Variants in PDE8B observed in about 807,000 individuals in gnomAD.
PDE8B encodes the protein phosphodiesterase 8B, also known as high affinity cAMP-specific and IBMX-insensitive 3',5'-cyclic phosphodiesterase 8B.
Under a neutral mutation model 101.3 loss-of-function variants are expected in PDE8B, and 26 were observed. That is an observed-to-expected ratio of 0.26 (90% confidence interval 0.19 to 0.36). PDE8B has a LOEUF of 0.36. PDE8B is among the 10% of genes least tolerant of loss of function. The pLI, the probability that PDE8B is intolerant of heterozygous loss-of-function variation, is 1.00. For synonymous variants in PDE8B, 424 were observed against 429.3 expected (o/e 0.99, Z 0.15); for missense variants, 810 against 1,163.1 (o/e 0.70, Z 4.42).
At chr5:77,100,031 G>A in the PDE8B span, among the ~76,000 whole-genome samples, 1 of 152,218 alleles carries the variant, frequency 6.6e-6, no homozygotes, top group Admixed American at 6.5e-5. Flanking sequence ...TCTCAGAACT[G>A]TTAGGAAGAA....
intron 19 of PDE8B, among the ~76,000 whole-genome samples, chr5:77,421,056 T>C (rs1356344524): frequency 6.6e-6 from 1 of 152,242 alleles, no homozygotes; most frequent in Non-Finnish European, 1.5e-5. Flanking sequence ...TTTCAGGTTC[T>C]ATGTAAATGG....
intron 1 of PDE8B, among the ~76,000 whole-genome samples, chr5:77,228,927 A>G (rs1051015906): frequency 2.0e-5 from 3 of 152,304 alleles, no homozygotes; most frequent in Non-Finnish European, 4.4e-5. Context: ...TAATTTTACA[A>G]TTAGGAAGTT....
upstream of PDE8B, among the ~76,000 whole-genome samples, chr5:77,208,347 T>C (rs983036871): frequency 6.6e-6 from 1 of 152,244 alleles, no homozygotes; most frequent in Non-Finnish European, 1.5e-5. Flanking sequence ...ATGTGAAGGC[T>C]GTCATTGATA....
chr5:77,210,003 G>T (rs1388493887), upstream of PDE8B, among the ~76,000 whole-genome samples: 1 of 152,268 alleles, frequency 6.6e-6, no homozygotes. This position sits in a 1 kb window ranked among gnomAD's most constrained non-coding sequence, Gnocchi z 4.9. Context: ...CGGTGGGGCT[G>T]GGGGAAGAGG....
At chr5:77,202,290 G>C in the PDE8B span, among the ~76,000 whole-genome samples, 4 of 152,110 alleles carry the variant, frequency 2.6e-5, no homozygotes, top group South Asian at 8.3e-4. Flanking sequence ...AAATAGTACA[G>C]TTGACTCTTG....
chr5:77,425,797 G>A lies in PDE8B; in HGVS notation c.2449G>A (p.Val817Met), dbSNP rs1477898349. The A allele has an allele frequency of 6.2e-7, 1 of 1,613,728 alleles. No individual in the cohort carries two copies. Among genetic ancestry groups the A allele is most frequent in the Admixed American group, 1.7e-5 (1 of 60,020 alleles). Residue 817 changes from valine to methionine, a missense_variant, in exon 21 of 22, where the codon GTG (valine) becomes ATG (methionine). By Grantham distance (21) the Val-to-Met change is conservative. Transcript: ENST00000264917. ...TDEEKRQGLP[V>M]VMPVFDRNTC... ...TGAAGAGAAGAGACAGGGACTACCTGTGGTGATGCCAGTGTTTGACCGGAA... is the reference window on the plus strand; with the variant it reads ...TGAAGAGAAGAGACAGGGACTACCTATGGTGATGCCAGTGTTTGACCGGAA...
intron 10 of PDE8B, among the ~76,000 whole-genome samples, chr5:77,386,886 T>C (rs1206633413): frequency 3.5e-5 from 4 of 113,754 alleles, no homozygotes; most frequent in African/African-American, 1.2e-4. Flanking sequence ...TTTTTTTTTT[T>C]TTTTTTTTGA....
upstream of PDE8B, among the ~76,000 whole-genome samples, chr5:77,210,140 G>A (rs1185605971): frequency 6.6e-6 from 1 of 152,190 alleles, no homozygotes; most frequent in Non-Finnish European, 1.5e-5. This position sits in a 1 kb window ranked among gnomAD's most constrained non-coding sequence, Gnocchi z 4.9. Flanking sequence ...GCTCTGGGAT[G>A]TGTGAAAATG....
chr5:77,296,417 G>A (rs1768586285), intron 1 of PDE8B, among the ~76,000 whole-genome samples: 1 of 151,770 alleles, frequency 6.6e-6, no homozygotes, highest in Admixed American at 6.6e-5. Context: ...ATACACCACC[G>A]TGCCTGGCTA....
At chr5:77,360,967 G>C (rs2150554024) in intron 10 of PDE8B, among the ~76,000 whole-genome samples, 1 of 152,254 alleles carries the variant, frequency 6.6e-6, no homozygotes, top group Admixed American at 6.5e-5. Flanking sequence ...CTGGTATTTT[G>C]TGATTTAGTG....
At chr5:77,285,803 G>T (rs1211832503) in intron 1 of PDE8B, among the ~76,000 whole-genome samples, 3 of 151,852 alleles carry the variant, frequency 2.0e-5, no homozygotes, top group Non-Finnish European at 2.9e-5. Flanking sequence ...CTGTTCTTCA[G>T]ATTGGACAAT....
the PDE8B span, among the ~76,000 whole-genome samples, chr5:77,193,790 G>A: frequency 1.3e-5 from 2 of 152,220 alleles, no homozygotes; most frequent in Non-Finnish European, 2.9e-5. Flanking sequence ...GGAGCTTTCT[G>A]ATACAAGAAC....
chr5:77,377,704 A>T (rs1323497247), intron 10 of PDE8B, among the ~76,000 whole-genome samples: 1 of 152,206 alleles, frequency 6.6e-6, no homozygotes. Context: ...GAATCAGAGG[A>T]CAGGAAGATC....
chr5:77,100,857 C>T, the PDE8B span, among the ~76,000 whole-genome samples: 1 of 151,838 alleles, frequency 6.6e-6, no homozygotes, highest in Non-Finnish European at 1.5e-5. Context: ...AAACTTTTTG[C>T]CAAAGGAAAA....
intron 1 of PDE8B, among the ~76,000 whole-genome samples, chr5:77,273,145 G>A (rs1763124359): frequency 6.6e-6 from 1 of 152,186 alleles, no homozygotes; most frequent in South Asian, 2.1e-4. Flanking sequence ...TAGCTTATTA[G>A]TGTGTCTCTG....
the PDE8B span, among the ~76,000 whole-genome samples, chr5:77,143,652 G>A: frequency 2.6e-5 from 4 of 152,234 alleles, no homozygotes; most frequent in East Asian, 7.7e-4. Context: ...GGAGAGAGGT[G>A]TATCAGTCTT....
At chr5:77,235,496 C>A (rs1754476214) in intron 1 of PDE8B, among the ~76,000 whole-genome samples, 1 of 152,140 alleles carries the variant, frequency 6.6e-6, no homozygotes, top group African/African-American at 2.4e-5. Flanking sequence ...CTAAACGGGG[C>A]ATTCATTCAT....
the PDE8B span, among the ~76,000 whole-genome samples, chr5:77,161,139 G>T: frequency 1.8e-3 from 269 of 152,190 alleles, 3 homozygotes; most frequent in Non-Finnish European, 2.8e-4. Context: ...AGTGAGTTTT[G>T]ATAAATGTGT....
the PDE8B span, among the ~76,000 whole-genome samples, chr5:77,203,744 C>G: frequency 2.6e-5 from 4 of 152,320 alleles, no homozygotes; most frequent in South Asian, 8.3e-4. Flanking sequence ...GGGACTGTTT[C>G]TGTCTTGTTT....
Sources: allele counts gnomAD v4.1 joint callset (sites outside exome capture counted in the v4.1 genomes callset), GRCh38; gene constraint gnomAD v4.1.1; non-coding constraint Gnocchi (gnomAD v3.1); transcripts MANE v1.5; gene names NCBI Gene and HGNC (gene_info 2026-07-23, HGNC 2026-07-21).